SMAP1: variants seen among roughly 807,000 people sequenced by gnomAD.
SMAP1 encodes stromal membrane-associated protein 1.
A neutral mutation model predicts 58.5 loss-of-function variants in SMAP1; 24 were observed. The observed-to-expected ratio is 0.41, with a 90% CI of 0.30 to 0.58. The LOEUF (loss-of-function observed/expected upper bound fraction) is 0.58, where lower values mean the gene tolerates loss of function less well. Ranked by LOEUF, SMAP1 falls within the 20% of genes least tolerant of loss-of-function variation. The probability of loss-of-function intolerance (pLI) is 0.29; values close to 1 mark genes in which losing one functional copy is unlikely to be tolerated. For synonymous variants in SMAP1, 216 were observed against 196.6 expected (o/e 1.10, Z -0.82); for missense variants, 563 against 566.3 (o/e 0.99, Z 0.06).
chr6:70,675,164 A>T (rs1296573175), intron 1 of SMAP1, among the ~76,000 whole-genome samples: 2 of 149,368 alleles, frequency 1.3e-5, no homozygotes, highest in Non-Finnish European at 3.0e-5. Context: ...AAAGCAAATA[A>T]TAACATTACA....
intron 1 of SMAP1, among the ~76,000 whole-genome samples, chr6:70,683,326 C>T (rs540939349): frequency 9.2e-5 from 14 of 151,852 alleles, no homozygotes; most frequent in African/African-American, 2.7e-4. Flanking sequence ...CCCGCCACCA[C>T]GCCTGGCTAA....
At chr6:70,785,606 AT>A (rs1767978947) in intron 4 of SMAP1, among the ~76,000 whole-genome samples, 1 of 152,240 alleles carries the variant, frequency 6.6e-6, no homozygotes, top group Non-Finnish European at 1.5e-5. Flanking sequence ...GCAATAAAAA[AT>A]GATAAAGGGG....
intron 4 of SMAP1, among the ~76,000 whole-genome samples, chr6:70,777,229 G>A (rs1369180774): frequency 6.6e-6 from 1 of 151,978 alleles, no homozygotes; most frequent in Admixed American, 6.6e-5. Flanking sequence ...CCACTGTCTG[G>A]CACTCCCTAG....
intron 6 of SMAP1, among the ~76,000 whole-genome samples, chr6:70,813,568 C>A (rs1329259583): frequency 6.6e-6 from 1 of 151,922 alleles, no homozygotes; most frequent in Non-Finnish European, 1.5e-5. Flanking sequence ...TTTGATAAAT[C>A]ATTTTTTACC....
rs1367445350 is a variant in SMAP1, at chr6:70,861,292, A to G, written c.*958A>G. On this transcript the variant is annotated 3_prime_UTR_variant, in exon 11 of 11. Coordinates refer to ENST00000370455, the MANE Select transcript of SMAP1 (RefSeq NM_001044305.3). ...AGCTGACAAAATACTTGTCTGTTTT[A>G]AAAACCTGTTCAAGTCTACCAACCT... The G allele has an allele frequency of 5.3e-6, 1 of 189,642 alleles. No homozygotes were observed. The highest frequency in any genetic ancestry group is 2.3e-5 in the African/African-American group (1 of 43,066). 11.7% of individuals were successfully genotyped at this position (189,642 alleles called of 1,614,324 possible). A position where few individuals can be genotyped will look rare whatever the true frequency, so the allele number is the denominator to read the frequency against.
At chr6:70,677,301 G>A (rs1219973868) in intron 1 of SMAP1, among the ~76,000 whole-genome samples, 3 of 151,058 alleles carry the variant, frequency 2.0e-5, no homozygotes, top group African/African-American at 7.3e-5. Flanking sequence ...GCAAAGCTAG[G>A]ATTCAGTCCA....
chr6:70,684,930 T>G (rs1489021931), intron 1 of SMAP1, among the ~76,000 whole-genome samples: 1 of 152,194 alleles, frequency 6.6e-6, no homozygotes, highest in Non-Finnish European at 1.5e-5. Context: ...CTCTGATTTC[T>G]TTCTTTCCTT....
chr6:70,856,911 A>T lies in SMAP1; in HGVS notation c.842A>T (p.Asp281Val). ...ACCCTGTCTACAGTAACATCTGGGG[A>T]TCTAGATTTATTCACTGAGCAAACT... ...AATLSTVTSG[D>V]LDLFTEQTTK... is the part of the protein sequence containing the mutation. The change falls in exon 9 of 11, where the codon GAT becomes GTT. Residue 281 changes from aspartate to valine, a missense_variant. This residue lies in a region of SMAP1 where 494 missense variants were observed against 473.8 expected (regional missense o/e 1.04). Transcript: ENST00000370455. 1.2e-6 allele frequency: 2 copies of T among 1,613,950 alleles called. No individual in the cohort carries two copies. The highest frequency in any genetic ancestry group is 1.7e-4 in the Middle Eastern group (1 of 6,060).
At chr6:70,857,552 C>T (rs374097239) in intron 9 of SMAP1, 84 of 207,146 alleles carry the variant, frequency 4.1e-4, no homozygotes, top group Non-Finnish European at 6.4e-4. Flanking sequence ...CCTATTGAAG[C>T]GAGATATAGT....
At chr6:70,689,026 G>A (rs1767047496) in intron 1 of SMAP1, among the ~76,000 whole-genome samples, 1 of 151,778 alleles carries the variant, frequency 6.6e-6, no homozygotes. Flanking sequence ...TTTAGACAGA[G>A]TCTTACTCTG....
chr6:70,679,021 T>G (rs535265077), intron 1 of SMAP1, among the ~76,000 whole-genome samples: 4 of 138,508 alleles, frequency 2.9e-5, no homozygotes, highest in Admixed American at 2.2e-4. Flanking sequence ...AGATTTTTTG[T>G]TTTTTTTTTT....
At chr6:70,855,228 A>G (rs1771364366) in intron 8 of SMAP1, among the ~76,000 whole-genome samples, 1 of 152,128 alleles carries the variant, frequency 6.6e-6, no homozygotes, top group East Asian at 1.9e-4. Context: ...GAAGTGTAAA[A>G]TGAGAGGCAG....
chr6:70,823,854 A>G (rs965221370), intron 6 of SMAP1, among the ~76,000 whole-genome samples: 4 of 148,998 alleles, frequency 2.7e-5, no homozygotes, highest in African/African-American at 9.8e-5. Context: ...GTTATTTTTC[A>G]GTTCCCCCTG....
intron 4 of SMAP1, among the ~76,000 whole-genome samples, chr6:70,782,030 C>G (rs1554201044): frequency 6.6e-6 from 1 of 152,134 alleles, no homozygotes; most frequent in Non-Finnish European, 1.5e-5. Flanking sequence ...TGGATTTCTA[C>G]TGCGTATTAT....
At chr6:70,740,220 T>A (rs1027951721) in intron 2 of SMAP1, among the ~76,000 whole-genome samples, 2 of 152,226 alleles carry the variant, frequency 1.3e-5, no homozygotes, top group African/African-American at 2.4e-5. Flanking sequence ...ATAGCTTTTT[T>A]AACTTCACAT....
intron 7 of SMAP1, among the ~76,000 whole-genome samples, chr6:70,847,057 T>A (rs953684514): frequency 6.6e-6 from 1 of 152,206 alleles, no homozygotes; most frequent in African/African-American, 2.4e-5. Context: ...TTTATAAATT[T>A]AAAGGCACTT....
chr6:70,838,868 G>T (rs905705207), intron 7 of SMAP1, among the ~76,000 whole-genome samples: 4 of 152,178 alleles, frequency 2.6e-5, no homozygotes, highest in African/African-American at 7.2e-5. Flanking sequence ...TATTGTGGCG[G>T]TTGTGCTGAG....
chr6:70,754,302 T>C (rs1469037180), intron 2 of SMAP1, among the ~76,000 whole-genome samples: 1 of 152,104 alleles, frequency 6.6e-6, no homozygotes, highest in African/African-American at 2.4e-5. Flanking sequence ...TTAAACTGGT[T>C]GAAATGATTA....
At chr6:70,812,068 G>T (rs1475245919) in intron 6 of SMAP1, among the ~76,000 whole-genome samples, 1 of 152,102 alleles carries the variant, frequency 6.6e-6, no homozygotes, top group Non-Finnish European at 1.5e-5. Flanking sequence ...CTTATGAATT[G>T]CTTATTTTTG....
Sources: allele counts gnomAD v4.1 joint callset (sites outside exome capture counted in the v4.1 genomes callset), GRCh38; gene constraint gnomAD v4.1.1; regional missense constraint gnomAD v4.1.1; transcripts MANE v1.5; gene names NCBI Gene and HGNC (gene_info 2026-07-23, HGNC 2026-07-21).